Variants in KLF10 observed in about 807,000 individuals in gnomAD.
KLF10 encodes KLF transcription factor 10, also known as Krueppel-like factor 10.
A neutral mutation model predicts 31.6 loss-of-function variants in KLF10; 17 were observed. The ratio of observed to expected loss-of-function variants is 0.54; its 90% confidence interval spans 0.37 to 0.81. KLF10 has a LOEUF of 0.81. Among genes scored for constraint, KLF10 ranks in the 30% least tolerant of loss-of-function variants. The pLI, the probability that KLF10 is intolerant of heterozygous loss-of-function variation, is 0.00. For synonymous variants in KLF10, 239 were observed against 215.1 expected, an observed-to-expected ratio of 1.11 and a Z score of -0.97; for missense variants, 525 against 598.1, an observed-to-expected ratio of 0.88 and a Z score of 1.27.
Position 102,651,237 on chromosome 8 carries a change from C to T in KLF10, c.1095G>A (p.Arg365=). The T allele has an allele frequency of 6.3e-7, 1 of 1,590,738 alleles. No homozygotes were observed. Among genetic ancestry groups the T allele is most frequent in the African/African-American group, 1.3e-5 (1 of 74,146 alleles). ...GGTGGCTACAGATGTGACTCCTTAT[C>T]CTTGATGAATCAATCTGAGGAGTGA... ...AKVTPQIDSS[R]IRSHICSHPG... The change falls in exon 3 of 4, where the codon AGG becomes AGA. Residue 365 remains arginine (R), a synonymous_variant. Coordinates refer to ENST00000285407, the MANE Select transcript of KLF10 (RefSeq NM_005655.4).
At chr8:102,655,364 C>T (rs931185253) in intron 1 of KLF10, among the ~76,000 whole-genome samples, 3 of 152,186 alleles carry the variant, frequency 2.0e-5, no homozygotes, top group African/African-American at 7.2e-5. Flanking sequence ...GATCCCAGCC[C>T]CCTGGTTCGA....
intron 1 of KLF10, chr8:102,653,862 C>A: frequency 1.7e-6 from 1 of 594,616 alleles, no homozygotes; most frequent in African/African-American, 3.6e-5. Context: ...AAGGGAAGCG[C>A]GGGCGGAGGC....
At position 102,649,229 on chromosome 8, in the gene KLF10, T is replaced by C. The variant is rs947949868; in HGVS notation, c.*903A>G. 6.6e-6 allele frequency: 1 copy of C among 152,642 alleles called. No homozygotes were observed. Among genetic ancestry groups the C allele is most frequent in the African/African-American group, 2.4e-5 (1 of 41,472 alleles). 9.5% of individuals were successfully genotyped at this position (152,642 alleles called of 1,614,324 possible). ...TCATAACATAAAGGTACTTTACTGA[T>C]GACATAAGCCATCTTTTTCAAGAAG... On this transcript the variant is annotated 3_prime_UTR_variant, in exon 4 of 4. Coordinates refer to ENST00000285407, the MANE Select transcript of KLF10 (RefSeq NM_005655.4).
intron 2 of KLF10, 47 bp downstream of exon 2, chr8:102,652,117 T>A (rs762466021): frequency 2.7e-6 from 4 of 1,476,390 alleles, no homozygotes; most frequent in Non-Finnish European, 3.6e-6. Flanking sequence ...ATATAAATTT[T>A]AAGAAATTAT....
chr8:102,652,211 C>A lies in KLF10; in HGVS notation c.223G>T (p.Glu75Ter). Residue 75 changes from glutamate (E) to a stop codon, truncating the protein, a stop_gained, in exon 2 of 4, where the codon GAG becomes TAG. Transcript: ENST00000285407. LOFTEE classifies it high-confidence loss of function. ...TCAGGTGTTCCCGGAAGCAGATTCT[C>A]TTCCTCTGACAAATCAGATACTGGT... The part of the protein sequence containing the change: ...VTPVSDLSEE[E>*]NLLPGTPDFH... 1 of 1,609,124 alleles carries A rather than the reference C, an allele frequency of 6.2e-7. No individual in the cohort carries two copies. Among genetic ancestry groups the A allele is most frequent in the Non-Finnish European group, 8.5e-7 (1 of 1,176,830 alleles).
rs1050723086 is a variant in KLF10, at chr8:102,649,920, T to A, written c.*212A>T. 1.7e-6 allele frequency: 1 copy of A among 600,800 alleles called. No individual in the cohort carries two copies. Among genetic ancestry groups the A allele is most frequent in the African/African-American group, 1.9e-5 (1 of 53,966 alleles). 37.2% of individuals were successfully genotyped at this position (600,800 alleles called of 1,614,324 possible). On this transcript the variant is annotated 3_prime_UTR_variant, in exon 4 of 4. Transcript: ENST00000285407. ...AATAAAAGCTTTCTCATCTCTCTTA[T>A]GTGATAAGAAATGAAACCTGCCTTT...
chr8:102,654,258 C>A (rs1222541847), intron 1 of KLF10: 1 of 146,368 alleles, frequency 6.8e-6, no homozygotes, highest in Non-Finnish European at 1.5e-5. Context: ...CGGGCGCCGC[C>A]GCCAACCGCC....
chr8:102,653,418 GTTTTATAGTA>G, intron 1 of KLF10: 1 of 1,459,678 alleles, frequency 6.9e-7, no homozygotes, highest in African/African-American at 1.4e-5. Flanking sequence ...ACTACCTAAT[GTTTTATAGTA>G]AAGTTCTTTG....
chr8:102,650,219 T>G lies in KLF10; in HGVS notation c.1356A>C (p.Leu452=). The G allele has an allele frequency of 6.2e-7, 1 of 1,614,224 alleles. No individual in the cohort carries two copies. Among genetic ancestry groups the G allele is most frequent in the African/African-American group, 1.3e-5 (1 of 75,074 alleles). The change falls in exon 4 of 4, where the codon CTA becomes CTC. Residue 452 remains leucine, a synonymous_variant. Transcript: ENST00000285407. ...DHLTKHARRH[L]SAKKLPNWQM... ...GCCAGTTTGGTAGCTTCTTGGCTGA[T>G]AGATGGCGCCGGGCATGCTTGGTCA...
chr8:102,655,577 G>T lies in KLF10; in HGVS notation c.25C>A (p.Gln9Lys), dbSNP rs763005009. 2 of 1,614,198 alleles carry T rather than the reference G, an allele frequency of 1.2e-6. No homozygotes were observed. Among genetic ancestry groups the T allele is most frequent in the Non-Finnish European group, 1.7e-6 (2 of 1,180,018 alleles). ...CCCAAATGACTTACCGCAGTCTGCT[G>T]GAGAGAGGCACCGAAGTTGAGCATG... MLNFGASL[Q>K]QTAEERMEMI... Residue 9 changes from glutamine (Q) to lysine (K), a missense_variant, in exon 1 of 4, where the codon CAG (glutamine) becomes AAG (lysine). Gln to Lys is a moderately conservative substitution (Grantham distance 53, BLOSUM62 1). Transcript: ENST00000285407.
At chr8:102,650,986 G>A (rs878983266) in intron 3 of KLF10, among the ~76,000 whole-genome samples, 163 bp downstream of exon 3, 3 of 152,156 alleles carry the variant, frequency 2.0e-5, no homozygotes, top group Non-Finnish European at 4.4e-5. Flanking sequence ...TATGGCACTC[G>A]TGAGCGGCCT....
In KLF10 at chr8:102,655,699, G is replaced by A. The variant is rs1401941757; in HGVS notation, c.-98C>T. On this transcript the variant is annotated 5_prime_UTR_variant, in exon 1 of 4. Transcript: ENST00000285407. ...CACGGAGACACTCGACGCCGCTCCC[G>A]CCGCCGCCGCGCTCAGCGCCGTCTG... is the stretch of plus-strand genomic sequence containing the variant. 2.3e-6 allele frequency: 3 copies of A among 1,332,032 alleles called. No individual in the cohort carries two copies. The highest frequency in any genetic ancestry group is 1.5e-5 in the African/African-American group (1 of 68,624). The allele number at this position is 1,332,032 out of a possible 1,614,324, so 82.5% of individuals were successfully genotyped here. A position where few individuals can be genotyped will look rare whatever the true frequency, so the allele number is the denominator to read the frequency against.
chr8:102,655,366 C>A (rs144533146), intron 1 of KLF10, among the ~76,000 whole-genome samples, 200 bp downstream of exon 1: 1 of 152,292 alleles, frequency 6.6e-6, no homozygotes, highest in Non-Finnish European at 1.5e-5. Context: ...TCCCAGCCCC[C>A]TGGTTCGACC....
Position 102,655,558 on chromosome 8 carries a change from T to G in KLF10, c.36+8A>C, listed in dbSNP as rs777092943. On this transcript the variant is annotated splice_region_variant and intron_variant, in intron 1 of 3. Coordinates refer to ENST00000285407, the MANE Select transcript of KLF10 (RefSeq NM_005655.4). ...GAGGAAGCACAGGGGCATCCCCAAATGACTTACCGCAGTCTGCTGGAGAGA... is the reference window on the plus strand; with the variant it reads ...GAGGAAGCACAGGGGCATCCCCAAAGGACTTACCGCAGTCTGCTGGAGAGA... The G allele has an allele frequency of 3.1e-6, 5 of 1,613,976 alleles. No individual in the cohort carries two copies. Among genetic ancestry groups the G allele is most frequent in the Admixed American group, 1.7e-5 (1 of 60,000 alleles).
intron 1 of KLF10, among the ~76,000 whole-genome samples, chr8:102,654,715 C>T (rs1827317708): frequency 6.6e-6 from 1 of 151,806 alleles, no homozygotes. Context: ...GACGTGCAGC[C>T]CCCACAGGCC....
At position 102,653,744 on chromosome 8, in the gene KLF10, C is replaced by CA. The variant is rs1190996730; in HGVS notation, c.37-1348dup. 7.9e-6 allele frequency: 9 copies of CA among 1,143,984 alleles called. No homozygotes were observed. In the East Asian group the frequency reaches 1.7e-4, roughly 21 times the overall value. 70.9% of individuals were successfully genotyped at this position (1,143,984 alleles called of 1,614,324 possible). A position where few individuals can be genotyped will look rare whatever the true frequency, so the allele number is the denominator to read the frequency against. ...GTGTAACAGCCCCAAGACGCCAATG[C>CA]AAAAAAAGGAAAAAAGAAAGGCAGG... On this transcript the variant is annotated intron_variant, in intron 1 of 3. Coordinates refer to ENST00000285407, the MANE Select transcript of KLF10 (RefSeq NM_005655.4).
Position 102,651,003 on chromosome 8 carries a change from C to T in KLF10, c.1183+146G>A, listed in dbSNP as rs139013359. The T allele has an allele frequency of 9.0e-6, 6 of 665,514 alleles. No homozygotes were observed. In the Admixed American group the frequency reaches 9.7e-5, roughly 11 times the overall value. The allele number at this position is 665,514 out of a possible 1,614,324, so 41.2% of individuals were successfully genotyped here. ...TGGCACTCGTGAGCGGCCTCCAATA[C>T]AGCCTTTTGGAGGACCTTGCACTGG... On this transcript the variant is annotated intron_variant, in intron 3 of 3. Transcript: ENST00000285407.
chr8:102,655,556 A>C lies in KLF10; in HGVS notation c.36+10T>G, dbSNP rs1024244889. ...GCGAGGAAGCACAGGGGCATCCCCA[A>C]ATGACTTACCGCAGTCTGCTGGAGA... On this transcript the variant is annotated intron_variant, in intron 1 of 3. Coordinates refer to ENST00000285407, the MANE Select transcript of KLF10 (RefSeq NM_005655.4). 1.2e-6 allele frequency: 2 copies of C among 1,613,862 alleles called. No individual in the cohort carries two copies. Among genetic ancestry groups the C allele is most frequent in the Non-Finnish European group, 8.5e-7 (1 of 1,179,932 alleles).
intron 1 of KLF10, among the ~76,000 whole-genome samples, chr8:102,655,247 T>A (rs1490488410): frequency 1.4e-5 from 2 of 142,476 alleles, no homozygotes; most frequent in Non-Finnish European, 3.1e-5. Flanking sequence ...CCCTCCCCAC[T>A]CCTCCCCCGC....
Sources: allele counts gnomAD v4.1 joint callset (sites outside exome capture counted in the v4.1 genomes callset), GRCh38; gene constraint gnomAD v4.1.1; transcripts MANE v1.5; gene names NCBI Gene and HGNC (gene_info 2026-07-23, HGNC 2026-07-21).